The following VRK2 variants were observed in gnomAD, a reference collection of about 807,000 sequenced individuals.
The protein encoded by VRK2 is serine/threonine-protein kinase VRK2.
Under a neutral mutation model 57.6 loss-of-function variants are expected in VRK2, and 60 were observed. That is an observed-to-expected ratio of 1.04 (90% CI 0.85 to 1.29). The LOEUF is 1.29. VRK2 is among the 50% of genes most tolerant of loss of function. VRK2 has a pLI of 0.00. For missense variants in VRK2, 705 were observed against 588.1 expected (o/e 1.20, Z -2.06); for synonymous variants, 231 against 199.2 (o/e 1.16, Z -1.35).
At chr2:58,028,891 AATAAATAAATAAAT>A (rs1416974699) in intron 2 of VRK2, among the ~76,000 whole-genome samples, 3 of 55,668 alleles carry the variant, frequency 5.4e-5, no homozygotes, top group African/African-American at 2.3e-4. Context: ...ATAATAAATA[AATAAATAAATAAAT>A]ATATATATAT....
chr2:58,123,358 T>TA, intron 8 of VRK2, 125 bp downstream of exon 8: 2 of 1,167,558 alleles, frequency 1.7e-6, no homozygotes, highest in Non-Finnish European at 2.3e-6. Flanking sequence ...GTGAGGTTTT[T>TA]ATCAAAAGTA....
chr2:57,959,717 T>C (rs377614080), intron 1 of VRK2, among the ~76,000 whole-genome samples: 3 of 152,286 alleles, frequency 2.0e-5, no homozygotes, highest in East Asian at 3.9e-4. Flanking sequence ...ATACAATTTA[T>C]CCAGAGGCTC....
intron 7 of VRK2, among the ~76,000 whole-genome samples, chr2:58,116,884 T>TG (rs1485902429): frequency 6.6e-6 from 1 of 152,160 alleles, no homozygotes; most frequent in African/African-American, 2.4e-5. Context: ...AGCAAGCTCC[T>TG]GGGGGAGGAG....
rs1680549626 is a variant in VRK2 at position 58,137,202 on chromosome 2, C to CATGTA, written c.856+2003_856+2004insATGTA. Among the ~76,000 whole-genome samples, 192 of 27,232 alleles carry CATGTA rather than the reference C, an allele frequency of 7.1e-3. 4 individuals are homozygous for CATGTA. Among genetic ancestry groups the CATGTA allele is most frequent in the African/African-American group, 0.027 (156 of 5,746 alleles). 17.9% of individuals were successfully genotyped at this position (27,232 alleles called of 152,430 possible). On this transcript the variant is annotated intron_variant, in intron 10 of 12. Transcript: ENST00000340157. ...TATATCATATATGATACATATATATCTCATATATGATACATATATATCATA... is the reference window on the plus strand; with the variant it reads ...TATATCATATATGATACATATATATCATGTATCATATATGATACATATATATCATA...
At chr2:57,964,019 C>T (rs1363577805) in intron 1 of VRK2, among the ~76,000 whole-genome samples, 2 of 152,236 alleles carry the variant, frequency 1.3e-5, no homozygotes, top group Middle Eastern at 6.8e-3. Flanking sequence ...TCTTCCTAAG[C>T]TTACTACTAT....
chr2:57,950,395 T>A (rs906109604), intron 1 of VRK2, among the ~76,000 whole-genome samples: 1 of 152,190 alleles, frequency 6.6e-6, no homozygotes, highest in Admixed American at 6.5e-5. Context: ...CCCTTAAGAA[T>A]CATGCTGAAT....
intron 7 of VRK2, among the ~76,000 whole-genome samples, chr2:58,118,743 G>A (rs1001691228): frequency 1.3e-5 from 2 of 152,242 alleles, no homozygotes; most frequent in Admixed American, 1.3e-4. Flanking sequence ...GGCTTTGTGT[G>A]AGCAGCATGG....
intron 1 of VRK2, among the ~76,000 whole-genome samples, chr2:57,952,060 G>A (rs2103978721): frequency 6.6e-6 from 1 of 151,110 alleles, no homozygotes; most frequent in Admixed American, 6.6e-5. Context: ...CACTCAGCAA[G>A]TATTTTAAAA....
At chr2:58,016,811 T>A (rs2103661516) in intron 1 of VRK2, among the ~76,000 whole-genome samples, 1 of 152,316 alleles carries the variant, frequency 6.6e-6, no homozygotes, top group East Asian at 1.9e-4. Flanking sequence ...TTGGAATAAA[T>A]CTGTTTTTAT....
chr2:58,013,858 CAAAAAAAAA>C (rs60604486), intron 1 of VRK2, among the ~76,000 whole-genome samples: 1 of 62,790 alleles, frequency 1.6e-5, no homozygotes, highest in African/African-American at 5.4e-5. Flanking sequence ...GACTCCGTCT[CAAAAAAAAA>C]AAAAAAAAAA....
upstream of VRK2, among the ~76,000 whole-genome samples, chr2:58,045,670 T>C (rs901052418): frequency 2.6e-5 from 4 of 152,064 alleles, no homozygotes; most frequent in African/African-American, 7.3e-5. Flanking sequence ...GTCTGAAAGA[T>C]GTAGGGAGCC....
At chr2:57,993,940 T>C (rs1327668827) in intron 1 of VRK2, among the ~76,000 whole-genome samples, 2 of 152,236 alleles carry the variant, frequency 1.3e-5, no homozygotes, top group African/African-American at 2.4e-5. Context: ...GGTCAAAGTA[T>C]GAAGAGCTTA....
rs191030408 is a variant in VRK2 at position 58,143,402 on chromosome 2, T to C, written c.1024-2914T>C. Among the ~76,000 whole-genome samples the C allele has an allele frequency of 9.7e-4, 148 of 152,122 alleles. 1 individual carries two copies. Among genetic ancestry groups the C allele is most frequent in the African/African-American group, 3.4e-3 (143 of 41,554 alleles). On this transcript the variant is annotated intron_variant, in intron 11 of 12. Transcript: ENST00000340157. ...TTCTATCTTTGAGAAAAAGTTTCAC[T>C]GTGTTCACTATCATCTACTTCACTC...
At chr2:58,109,245 A>G (rs1675204455) in intron 7 of VRK2, among the ~76,000 whole-genome samples, 1 of 152,180 alleles carries the variant, frequency 6.6e-6, no homozygotes, top group African/African-American at 2.4e-5. Flanking sequence ...AAATGTATAT[A>G]TGACATTATC....
Position 58,146,307 on chromosome 2 carries a change from T to C in VRK2, c.1024-9T>C. ...TCATTATATATTATTACTTACTCTA[T>C]ACCAACAGGTTGATTCACAAAAGGC... is the stretch of plus-strand genomic sequence containing the variant. On this transcript the variant is annotated splice_polypyrimidine_tract_variant and intron_variant, in intron 11 of 12. Transcript: ENST00000340157. 1 of 1,603,746 alleles carries C rather than the reference T, an allele frequency of 6.2e-7. No individual in the cohort carries two copies. Among genetic ancestry groups the C allele is most frequent in the Non-Finnish European group, 8.5e-7 (1 of 1,174,930 alleles).
intron 2 of VRK2, among the ~76,000 whole-genome samples, chr2:58,060,926 G>A (rs1178844177): frequency 6.6e-6 from 1 of 151,834 alleles, no homozygotes; most frequent in East Asian, 1.9e-4. Context: ...GAGGTAGAAG[G>A]AAACATTTGA....
At chr2:58,115,041 G>A (rs898193648) in intron 7 of VRK2, among the ~76,000 whole-genome samples, 14 of 152,128 alleles carry the variant, frequency 9.2e-5, no homozygotes, top group Non-Finnish European at 1.3e-4. Context: ...ACACTGAGAA[G>A]TTATTTCCTT....
At chr2:58,003,552 C>T (rs1432823841) in intron 1 of VRK2, among the ~76,000 whole-genome samples, 3 of 151,998 alleles carry the variant, frequency 2.0e-5, no homozygotes, top group African/African-American at 7.2e-5. Flanking sequence ...CAGAAAACTG[C>T]AAATTATTTT....
intron 5 of VRK2, among the ~76,000 whole-genome samples, chr2:58,086,783 G>T (rs932652157): frequency 1.3e-5 from 2 of 152,248 alleles, no homozygotes; most frequent in Non-Finnish European, 1.5e-5. Context: ...TGATCATGTG[G>T]GTCTTTGCAT....
Sources: allele counts gnomAD v4.1 joint callset (sites outside exome capture counted in the v4.1 genomes callset), GRCh38; gene constraint gnomAD v4.1.1; transcripts MANE v1.5; gene names NCBI Gene and HGNC (gene_info 2026-07-23, HGNC 2026-07-21).